The following RPS6KC1 variants were observed in gnomAD, a reference collection of about 807,000 sequenced individuals.
The protein encoded by RPS6KC1 is ribosomal protein S6 kinase C1.
Under a neutral mutation model 103.8 loss-of-function variants are expected in RPS6KC1, and 54 were observed. That is an observed-to-expected ratio of 0.52 (90% confidence interval 0.42 to 0.65). The LOEUF (loss-of-function observed/expected upper bound fraction) is 0.65, where lower values mean the gene tolerates loss of function less well. Among genes scored for constraint, RPS6KC1 ranks in the 30% least tolerant of loss-of-function variants. The pLI is 0.00. For synonymous variants in RPS6KC1, 439 were observed against 438.7 expected, an observed-to-expected ratio of 1.00 and a Z score of -0.01; for missense variants, 1,151 against 1,253.8, an observed-to-expected ratio of 0.92 and a Z score of 1.24.
the RPS6KC1 span, among the ~76,000 whole-genome samples, chr1:213,333,356 G>A: frequency 1.3e-5 from 2 of 152,180 alleles, no homozygotes; most frequent in Non-Finnish European, 2.9e-5. Flanking sequence ...TGAGTTAAGG[G>A]AGAACCCTGA....
the RPS6KC1 span, among the ~76,000 whole-genome samples, chr1:213,407,362 G>T: frequency 2.0e-5 from 3 of 152,220 alleles, no homozygotes; most frequent in Non-Finnish European, 2.9e-5. Flanking sequence ...AGGGGCCCTA[G>T]ATTTTGCTCA....
chr1:213,137,777 CTATATA>C (rs1553340162), intron 6 of RPS6KC1, among the ~76,000 whole-genome samples: 4 of 63,590 alleles, frequency 6.3e-5, no homozygotes, highest in South Asian at 1.2e-3. Context: ...CTCTCTCTCT[CTATATA>C]TATATATATA....
the RPS6KC1 span, among the ~76,000 whole-genome samples, chr1:213,690,821 G>T: frequency 6.6e-6 from 1 of 152,172 alleles, no homozygotes; most frequent in Non-Finnish European, 1.5e-5. Context: ...CACTTGCACA[G>T]TGGCTTGCAC....
the RPS6KC1 span, among the ~76,000 whole-genome samples, chr1:213,512,142 G>A: frequency 6.6e-6 from 1 of 152,180 alleles, no homozygotes; most frequent in African/African-American, 2.4e-5. Context: ...ATTGTAATGA[G>A]GCTCTATCTT....
At chr1:213,733,572 C>T in the RPS6KC1 span, among the ~76,000 whole-genome samples, 141 of 128,318 alleles carry the variant, frequency 1.1e-3, 1 homozygote, top group African/African-American at 4.0e-3. Context: ...TTTGAGGAAA[C>T]TCCATACTAT....
chr1:213,324,109 A>G, the RPS6KC1 span, among the ~76,000 whole-genome samples: 1 of 152,254 alleles, frequency 6.6e-6, no homozygotes, highest in Non-Finnish European at 1.5e-5. Context: ...AATAAAAGAT[A>G]TAAGAGTCAT....
At chr1:213,654,068 C>T in the RPS6KC1 span, among the ~76,000 whole-genome samples, 4 of 152,228 alleles carry the variant, frequency 2.6e-5, no homozygotes, top group East Asian at 3.8e-4. Flanking sequence ...CTAGAACCAA[C>T]GCCAGATGGC....
At chr1:213,646,323 C>A in the RPS6KC1 span, among the ~76,000 whole-genome samples, 1 of 152,084 alleles carries the variant, frequency 6.6e-6, no homozygotes, top group African/African-American at 2.4e-5. Context: ...AGGAGTTGGA[C>A]TTTGGAAGAA....
the RPS6KC1 span, among the ~76,000 whole-genome samples, chr1:213,830,643 A>T: frequency 3.3e-5 from 5 of 151,900 alleles, no homozygotes; most frequent in East Asian, 9.7e-4. Context: ...CTTTTAAATG[A>T]CAATAGAAAG....
At chr1:213,671,019 C>G in the RPS6KC1 span, among the ~76,000 whole-genome samples, 1 of 152,180 alleles carries the variant, frequency 6.6e-6, no homozygotes, top group African/African-American at 2.4e-5. Context: ...CAGGAAGGAG[C>G]CATTCATGTG....
chr1:213,127,948 A>G (rs2085169745), intron 5 of RPS6KC1, among the ~76,000 whole-genome samples: 1 of 152,230 alleles, frequency 6.6e-6, no homozygotes, highest in South Asian at 2.1e-4. Flanking sequence ...AGACAGACCA[A>G]TGGATTTGAA....
chr1:213,686,034 C>T, the RPS6KC1 span, among the ~76,000 whole-genome samples: 1 of 152,078 alleles, frequency 6.6e-6, no homozygotes, highest in Non-Finnish European at 1.5e-5. Flanking sequence ...TGAGCACCAT[C>T]TTATAGGAGC....
intron 8 of RPS6KC1, among the ~76,000 whole-genome samples, chr1:213,202,276 G>A (rs999333331): frequency 6.6e-6 from 1 of 151,906 alleles, no homozygotes; most frequent in African/African-American, 2.4e-5. Context: ...AAATCAGTGT[G>A]CCCTAATTAA....
At chr1:213,688,346 C>T in the RPS6KC1 span, among the ~76,000 whole-genome samples, 2 of 152,174 alleles carry the variant, frequency 1.3e-5, no homozygotes, top group African/African-American at 4.8e-5. Flanking sequence ...CTTATATCAC[C>T]TCTTTTATTG....
chr1:213,588,174 C>T, the RPS6KC1 span, among the ~76,000 whole-genome samples: 1 of 152,090 alleles, frequency 6.6e-6, no homozygotes, highest in Non-Finnish European at 1.5e-5. Context: ...CTCCCGGGCT[C>T]AAGTGATCCT....
chr1:213,445,347 T>C, the RPS6KC1 span, among the ~76,000 whole-genome samples: 1 of 152,224 alleles, frequency 6.6e-6, no homozygotes, highest in Non-Finnish European at 1.5e-5. Flanking sequence ...GGTATATACC[T>C]AGGAGTGGAG....
chr1:213,598,014 C>G, the RPS6KC1 span, among the ~76,000 whole-genome samples: 1 of 152,072 alleles, frequency 6.6e-6, no homozygotes, highest in Admixed American at 6.5e-5. Context: ...TGACTTGTCT[C>G]GAGGTATTAG....
the RPS6KC1 span, among the ~76,000 whole-genome samples, chr1:213,504,766 C>A: frequency 9.9e-5 from 15 of 152,002 alleles, no homozygotes; most frequent in African/African-American, 3.6e-4. Context: ...TCTTTGTGGG[C>A]AACTTGTTTT....
At chr1:213,210,334 TTGAG>T (rs1223908465) in intron 8 of RPS6KC1, among the ~76,000 whole-genome samples, 1 of 152,228 alleles carries the variant, frequency 6.6e-6, no homozygotes, top group African/African-American at 2.4e-5. Context: ...AGTATACTTG[TTGAG>T]TAAGTTTGAA....
Sources: gnomAD v4.1 joint callset for allele counts (sites outside exome capture counted in the v4.1 genomes callset) on GRCh38, gnomAD v4.1.1 for gene constraint, MANE v1.5 for transcripts, NCBI Gene and HGNC (gene_info 2026-07-23, HGNC 2026-07-21) for gene names.